The following SORCS1 variants were observed in gnomAD, a reference collection of about 807,000 sequenced individuals.
SORCS1 encodes the protein sortilin related VPS10 domain containing receptor 1.
A neutral mutation model predicts 146.1 loss-of-function variants in SORCS1; 60 were observed. That is an observed-to-expected ratio of 0.41 (90% CI 0.33 to 0.51). The LOEUF (loss-of-function observed/expected upper bound fraction) is 0.51. Among genes scored for constraint, SORCS1 ranks in the 20% least tolerant of loss-of-function variants. SORCS1 has a pLI of 0.21. For missense variants in SORCS1, 1,352 were observed against 1,487.6 expected, an observed-to-expected ratio of 0.91 and a Z score of 1.50; for synonymous variants, 637 against 584.0, an observed-to-expected ratio of 1.09 and a Z score of -1.31.
At chr10:106,680,152 A>C (rs1211161820) in intron 10 of SORCS1, among the ~76,000 whole-genome samples, 1 of 152,228 alleles carries the variant, frequency 6.6e-6, no homozygotes, top group Non-Finnish European at 1.5e-5. Flanking sequence ...GACTCCAAAA[A>C]GAAAACAGTG....
chr10:106,722,496 A>G (rs150738029), intron 6 of SORCS1, among the ~76,000 whole-genome samples: 35 of 152,278 alleles, frequency 2.3e-4, no homozygotes, highest in Non-Finnish European at 4.6e-4. Flanking sequence ...CTGCTTGTTA[A>G]AATGCTAGTT....
At position 107,097,527 on chromosome 10, in the gene SORCS1, C is replaced by G. The variant is rs146786071; in HGVS notation, c.558+66442G>C. Among the ~76,000 whole-genome samples, 873 of 152,274 alleles carry G rather than the reference C, an allele frequency of 5.7e-3. 9 individuals carry two copies. Among genetic ancestry groups the G allele is most frequent in the African/African-American group, 0.02 (827 of 41,548 alleles). ...GGAGCAACTGGCTAGGGTTCCAAAG[C>G]TGGAATGAGAGAAAGACCAAAGTCT... On this transcript the variant is annotated intron_variant, in intron 1 of 25. Coordinates refer to ENST00000263054, the MANE Select transcript of SORCS1 (RefSeq NM_052918.5).
chr10:107,051,036 C>A (rs1014904802), intron 1 of SORCS1, among the ~76,000 whole-genome samples: 4 of 152,018 alleles, frequency 2.6e-5, no homozygotes, highest in Admixed American at 2.0e-4. Flanking sequence ...CCTTCCCTCC[C>A]TTCCTTCCAC....
chr10:106,861,828 G>C (rs893904281), intron 2 of SORCS1, among the ~76,000 whole-genome samples: 3 of 152,098 alleles, frequency 2.0e-5, no homozygotes, highest in Admixed American at 2.0e-4. Flanking sequence ...GGCAGAGGCT[G>C]CAGTGAGCCA....
intron 1 of SORCS1, among the ~76,000 whole-genome samples, chr10:107,090,467 T>G (rs1964106146): frequency 1.3e-5 from 2 of 152,212 alleles, no homozygotes; most frequent in African/African-American, 4.8e-5. Flanking sequence ...AACATTACCT[T>G]CCTCATGAGT....
At chr10:107,110,948 C>CAG (rs1965653880) in intron 1 of SORCS1, among the ~76,000 whole-genome samples, 1 of 152,074 alleles carries the variant, frequency 6.6e-6, no homozygotes, top group Non-Finnish European at 1.5e-5. Flanking sequence ...CCATGCCTAC[C>CAG]AGAGACACTG....
At chr10:106,600,036 C>T (rs1019601489) in intron 23 of SORCS1, among the ~76,000 whole-genome samples, 10 of 152,032 alleles carry the variant, frequency 6.6e-5, no homozygotes, top group South Asian at 2.1e-4. Flanking sequence ...GTGATCCACC[C>T]GCCTCAGCCT....
intron 2 of SORCS1, among the ~76,000 whole-genome samples, chr10:106,834,103 A>G (rs1948685032): frequency 6.6e-6 from 1 of 152,092 alleles, no homozygotes; most frequent in Non-Finnish European, 1.5e-5. Context: ...ATGGAAGGCA[A>G]TTTCTAGTGC....
chr10:106,674,923 A>C (rs987832051), intron 14 of SORCS1, 126 bp downstream of exon 14: 9 of 656,220 alleles, frequency 1.4e-5, no homozygotes. Flanking sequence ...TTTGCTGTAC[A>C]CTCTTGCAGT....
intron 1 of SORCS1, among the ~76,000 whole-genome samples, chr10:107,115,503 G>T (rs1310932432): frequency 1.3e-5 from 2 of 151,794 alleles, no homozygotes; most frequent in African/African-American, 4.8e-5. Flanking sequence ...ATACGGTGAG[G>T]GGAAAAAATC....
At chr10:107,171,736 G>A in the SORCS1 span, among the ~76,000 whole-genome samples, 1 of 152,030 alleles carries the variant, frequency 6.6e-6, no homozygotes, top group East Asian at 1.9e-4. Context: ...GACCTCAAAT[G>A]ATCCACCTGC....
chr10:107,005,291 T>A (rs60330688), intron 1 of SORCS1, among the ~76,000 whole-genome samples: 9,189 of 142,798 alleles, frequency 0.064, 951 homozygotes, highest in African/African-American at 0.22. Flanking sequence ...GCCACTGTAT[T>A]CCAGGCTGGG....
At position 106,667,669 on chromosome 10, in the gene SORCS1, T is replaced by C; in HGVS notation, c.2303+20A>G. 2 of 1,589,718 alleles carry C rather than the reference T, an allele frequency of 1.3e-6. No homozygotes were observed. The highest frequency in any genetic ancestry group is 8.6e-7 in the Non-Finnish European group (1 of 1,158,934). On this transcript the variant is annotated intron_variant, in intron 17 of 25. Coordinates refer to ENST00000263054, the MANE Select transcript of SORCS1 (RefSeq NM_052918.5). ...GGCAGCAAAGGTTGGCCTCTCAAGG[T>C]CACTACTCCAGACACTTACCCAGTA...
chr10:106,937,606 G>A (rs1170715254), intron 2 of SORCS1, among the ~76,000 whole-genome samples: 1 of 152,090 alleles, frequency 6.6e-6, no homozygotes, highest in African/African-American at 2.4e-5. Context: ...TGTGGACTGT[G>A]AGTCCACTAA....
chr10:107,004,070 GA>G (rs1477682628), intron 1 of SORCS1, among the ~76,000 whole-genome samples: 2 of 150,492 alleles, frequency 1.3e-5, no homozygotes, highest in Non-Finnish European at 2.9e-5. Flanking sequence ...AGCTAGTTTG[GA>G]AGGCTGAGGC....
At chr10:106,977,768 T>G (rs1159057831) in intron 1 of SORCS1, among the ~76,000 whole-genome samples, 1 of 152,186 alleles carries the variant, frequency 6.6e-6, no homozygotes, top group Non-Finnish European at 1.5e-5. Flanking sequence ...CAAATGAGAT[T>G]ATTTGTGCTG....
At chr10:106,729,487 A>G (rs1856445683) in intron 6 of SORCS1, among the ~76,000 whole-genome samples, 3 of 151,976 alleles carry the variant, frequency 2.0e-5, no homozygotes, top group Non-Finnish European at 4.4e-5. Context: ...TGAATCTCCA[A>G]ACAAGACAGT....
At chr10:106,897,324 C>G (rs1015200652) in intron 2 of SORCS1, among the ~76,000 whole-genome samples, 4 of 152,174 alleles carry the variant, frequency 2.6e-5, no homozygotes, top group African/African-American at 9.7e-5. Flanking sequence ...GCCACCATAC[C>G]TGGCCCCCAA....
chr10:106,731,410 C>T (rs1856592574), intron 5 of SORCS1, among the ~76,000 whole-genome samples: 1 of 151,806 alleles, frequency 6.6e-6, no homozygotes, highest in African/African-American at 2.4e-5. Flanking sequence ...TCCTGCCACA[C>T]TGAAAGATGT....
Sources: gnomAD v4.1 joint callset for allele counts (sites outside exome capture counted in the v4.1 genomes callset) on GRCh38, gnomAD v4.1.1 for gene constraint, MANE v1.5 for transcripts, NCBI Gene and HGNC (gene_info 2026-07-23, HGNC 2026-07-21) for gene names.